The following ARHGAP27 variants were observed in gnomAD, a reference collection of about 807,000 sequenced individuals.
ARHGAP27 encodes rho GTPase-activating protein 27.
ARHGAP27 carries 53 observed loss-of-function variants against 102.0 expected under a neutral mutation model. The ratio of observed to expected loss-of-function variants is 0.52; its 90% CI spans 0.42 to 0.65. The LOEUF is 0.65. ARHGAP27 is among the 30% of genes least tolerant of loss of function. ARHGAP27 has a pLI of 0.00. For missense variants in ARHGAP27, 1,117 were observed against 1,256.2 expected, an observed-to-expected ratio of 0.89 and a Z score of 1.68; for synonymous variants, 525 against 542.8, an observed-to-expected ratio of 0.97 and a Z score of 0.46.
chr17:45,410,307 C>T, intron 4 of ARHGAP27: 1 of 1,516,234 alleles, frequency 6.6e-7, no homozygotes, highest in Non-Finnish European at 8.8e-7. Flanking sequence ...CTCTGAACTG[C>T]CGGGACAGAG....
At position 45,396,654 on chromosome 17, in the gene ARHGAP27, C is replaced by T; in HGVS notation, c.2074+14G>A. Reference sequence around the variant, plus strand: ...CCCGGTCCCGGGTCCCCGCCCCCCGCAGGCCTCGGGTACCTTTGATGTAGC... The same window carrying T: ...CCCGGTCCCGGGTCCCCGCCCCCCGTAGGCCTCGGGTACCTTTGATGTAGC... On this transcript the variant is annotated intron_variant, in intron 15 of 19. Transcript: ENST00000685559. The T allele has an allele frequency of 6.2e-7, 1 of 1,613,220 alleles. No individual in the cohort carries two copies. Among genetic ancestry groups the T allele is most frequent in the Non-Finnish European group, 8.5e-7 (1 of 1,179,400 alleles).
At chr17:45,415,764 C>T (rs1460507729) in intron 4 of ARHGAP27, among the ~76,000 whole-genome samples, 1 of 152,144 alleles carries the variant, frequency 6.6e-6, no homozygotes, top group Non-Finnish European at 1.5e-5. Context: ...AGCAAATAGA[C>T]ACCTTGCAGG....
At chr17:45,425,827 C>T (rs2049542643) in intron 4 of ARHGAP27, among the ~76,000 whole-genome samples, 2 of 152,186 alleles carry the variant, frequency 1.3e-5, no homozygotes, top group South Asian at 2.1e-4. Flanking sequence ...CTCAGAGGCC[C>T]CTTTATTGCA....
intron 4 of ARHGAP27, among the ~76,000 whole-genome samples, chr17:45,422,064 G>T (rs980477355): frequency 2.6e-5 from 4 of 152,238 alleles, no homozygotes; most frequent in Middle Eastern, 3.4e-3. Flanking sequence ...TAATCAGGAG[G>T]TTGGGGCAGG....
intron 2 of ARHGAP27, among the ~76,000 whole-genome samples, 191 bp from the exon 3 acceptor site, chr17:45,431,943 CAGGTCGCGAGCGG>C (rs1429550134): frequency 2.6e-5 from 4 of 152,138 alleles, no homozygotes; most frequent in Non-Finnish European, 1.5e-5. Context: ...GGGGCACTGG[CAGGTCGCGAGCGG>C]AGCCCAAGGA....
chr17:45,396,964 G>C lies in ARHGAP27; in HGVS notation c.1903C>G (p.Arg635Gly). ...TCTTTCTCCTGCCAGCTTCCCAAGC[G>C]CTCGCTCGACCCGAAGTCCACTCTG... Reference protein sequence around the residue: ...SSRVDFGSSERLGSWQEKEED... With the variant: ...SSRVDFGSSEGLGSWQEKEED... The change falls in exon 14 of 20, where the codon CGC becomes GGC. Residue 635 changes from arginine (R) to glycine (G), a missense_variant. Coordinates refer to ENST00000685559, the MANE Select transcript of ARHGAP27 (RefSeq NM_001282290.2). 2 of 1,605,724 alleles carry C rather than the reference G, an allele frequency of 1.2e-6. No individual in the cohort carries two copies. The highest frequency in any genetic ancestry group is 1.7e-6 in the Non-Finnish European group (2 of 1,179,954).
intron 4 of ARHGAP27, chr17:45,425,568 T>C: frequency 2.0e-6 from 2 of 985,604 alleles, no homozygotes; most frequent in Non-Finnish European, 2.4e-6. Flanking sequence ...ACTCACTCAG[T>C]TCCCAGTGGA....
At chr17:45,414,301 C>A (rs892682395) in intron 4 of ARHGAP27, among the ~76,000 whole-genome samples, 7 of 152,132 alleles carry the variant, frequency 4.6e-5, no homozygotes, top group African/African-American at 1.7e-4. Flanking sequence ...GCCGTCCAAG[C>A]CAACCTCCTC....
At chr17:45,424,265 G>A (rs561440053) in intron 4 of ARHGAP27, among the ~76,000 whole-genome samples, 1 of 152,358 alleles carries the variant, frequency 6.6e-6, no homozygotes, top group African/African-American at 2.4e-5. Flanking sequence ...TCTGCAATCT[G>A]GAAACAGAGC....
At chr17:45,417,207 TAA>T (rs1387992535) in intron 4 of ARHGAP27, among the ~76,000 whole-genome samples, 1 of 151,642 alleles carries the variant, frequency 6.6e-6, no homozygotes, top group East Asian at 1.9e-4. Flanking sequence ...CTTATGCCTG[TAA>T]TCCCAGCACT....
intron 4 of ARHGAP27, among the ~76,000 whole-genome samples, chr17:45,413,468 TG>T (rs2048124287): frequency 6.6e-6 from 1 of 152,176 alleles, no homozygotes; most frequent in Non-Finnish European, 1.5e-5. Flanking sequence ...CTTGAATTTC[TG>T]GGCCTCAGTT....
chr17:45,424,432 C>T (rs2049345147), intron 4 of ARHGAP27, among the ~76,000 whole-genome samples: 1 of 152,320 alleles, frequency 6.6e-6, no homozygotes, highest in South Asian at 2.1e-4. Context: ...CATGGAGACT[C>T]GACCACATCC....
chr17:45,396,324 G>A, intron 16 of ARHGAP27, 40 bp from the exon 17 acceptor site: 1 of 1,569,198 alleles, frequency 6.4e-7, no homozygotes, highest in Non-Finnish European at 8.6e-7. Context: ...TTCAGGGATG[G>A]GGATAGGGTG....
rs189685649 is a variant in ARHGAP27, at chr17:45,398,597, G to A, written c.1744-550C>T. 7.7e-3 allele frequency among the ~76,000 whole-genome samples: 1,177 copies of A among 152,214 alleles called. 24 individuals carry two copies. The highest frequency in any genetic ancestry group is 0.017 in the Middle Eastern group (5 of 294). ...AAAAATACAAAAATTAGCCAGGCAT[G>A]GTGGCGGGCTCCTGTAATCCCAGCT... On this transcript the variant is annotated intron_variant, in intron 12 of 19. Coordinates refer to ENST00000685559, the MANE Select transcript of ARHGAP27 (RefSeq NM_001282290.2).
chr17:45,429,504 G>T, intron 4 of ARHGAP27, 119 bp downstream of exon 4: 1 of 1,518,460 alleles, frequency 6.6e-7, no homozygotes, highest in Non-Finnish European at 8.7e-7. Flanking sequence ...GAAGTCTTCG[G>T]ACAGAGGTGG....
chr17:45,429,302 CATGAATATTCACACAAGTGCG>C, intron 4 of ARHGAP27: 3 of 873,976 alleles, frequency 3.4e-6, no homozygotes, highest in Middle Eastern at 7.3e-4. Context: ...TGCAGCGAAA[CATGAATATTCACACAAGTGCG>C]ATAAATAAAG....
intron 18 of ARHGAP27, 24 bp from the exon 19 acceptor site, chr17:45,395,873 G>C (rs1254745074): frequency 1.9e-6 from 3 of 1,589,120 alleles, no homozygotes; most frequent in Non-Finnish European, 8.6e-7. Flanking sequence ...GGTTTAGAGG[G>C]AGGGAGTCGG....
Position 45,432,821 on chromosome 17 carries a change from G to C in ARHGAP27, c.-354C>G, listed in dbSNP as rs55642947. ...GGCGCGCGTGGGCTCGGCGTCCCGC[G>C]CTCCCTCCTCGACTGTGCGGCTCCC... is the stretch of plus-strand genomic sequence containing the variant. On this transcript the variant is annotated 5_prime_UTR_variant, in exon 1 of 20. Coordinates refer to ENST00000685559, the MANE Select transcript of ARHGAP27 (RefSeq NM_001282290.2). The C allele has an allele frequency of 0.12, 18,368 of 152,808 alleles. 1,540 individuals are homozygous for C. Among genetic ancestry groups the C allele is most frequent in the Middle Eastern group, 0.21 (149 of 706 alleles). The allele number at this position is 152,808 out of a possible 1,614,324, so 9.5% of individuals were successfully genotyped here.
intron 10 of ARHGAP27, 100 bp downstream of exon 10, chr17:45,403,929 T>G: frequency 7.4e-7 from 1 of 1,345,794 alleles, no homozygotes; most frequent in Non-Finnish European, 1.0e-6. Context: ...CTCACGAAGT[T>G]GTTGTGAGGA....
Sources: gnomAD v4.1 joint callset for allele counts (sites outside exome capture counted in the v4.1 genomes callset) on GRCh38, gnomAD v4.1.1 for gene constraint, MANE v1.5 for transcripts, NCBI Gene and HGNC (gene_info 2026-07-23, HGNC 2026-07-21) for gene names.